The following CCDC68 variants were observed in gnomAD, a reference collection of about 807,000 sequenced individuals.
CCDC68 encodes coiled-coil domain containing 68.
A neutral mutation model predicts 47.1 loss-of-function variants in CCDC68; 45 were observed. That is an observed-to-expected ratio of 0.96 (90% CI 0.75 to 1.23). CCDC68 has a LOEUF of 1.23. CCDC68 is among the 50% of genes most tolerant of loss of function. CCDC68 has a pLI of 0.00. For missense variants in CCDC68, 353 were observed against 373.6 expected (o/e 0.94, Z 0.45); for synonymous variants, 131 against 129.5 (o/e 1.01, Z -0.08).
intron 11 of CCDC68, among the ~76,000 whole-genome samples, chr18:54,905,475 T>G (rs8087302): frequency 0.98 from 148,645 of 151,286 alleles, 73,100 homozygotes; most frequent in East Asian, 1. Flanking sequence ...AAAAAACCTT[T>G]TTTGTTTGTA....
At chr18:54,946,039 T>C (rs2044518986) in intron 1 of CCDC68, among the ~76,000 whole-genome samples, 1 of 151,878 alleles carries the variant, frequency 6.6e-6, no homozygotes, top group Non-Finnish European at 1.5e-5. Flanking sequence ...AACAAAAAAA[T>C]CAAAAGAAGA....
chr18:54,933,180 C>G lies in CCDC68; in HGVS notation c.600+1640G>C, dbSNP rs951744673. On this transcript the variant is annotated intron_variant, in intron 7 of 11. Transcript: ENST00000591504. ...CACTGCAACCTCCGCCTCCTGGGTT[C>G]AAGCAATTCTCCTGCCTCAGCCTCC... 2.0e-5 allele frequency among the ~76,000 whole-genome samples: 3 copies of G among 152,288 alleles called. No individual in the cohort carries two copies. In the South Asian group the frequency reaches 6.2e-4, roughly 32 times the overall value.
Position 54,928,806 on chromosome 18 carries a change from C to T in CCDC68, c.677G>A (p.Gly226Glu). The T allele has an allele frequency of 6.2e-7, 1 of 1,608,198 alleles. No individual in the cohort carries two copies. The highest frequency in any genetic ancestry group is 8.5e-7 in the Non-Finnish European group (1 of 1,174,980). Residue 226 changes from glycine (G) to glutamate (E), a missense_variant, in exon 8 of 12, where the codon GGA (glycine) becomes GAA (glutamate). Coordinates refer to ENST00000591504, the MANE Select transcript of CCDC68 (RefSeq NM_025214.3). ...LLQLKSSATY[G>E]KSCQDLQREI... is the part of the protein sequence containing the mutation. ...AACAGGTAGCTTCACAAACCTTTTT[C>T]CATATGTAGCACTGGATTTGAGTTG...
rs1298272139 is a variant in CCDC68, at chr18:54,936,274, T to A, written c.471+559A>T. On this transcript the variant is annotated intron_variant, in intron 6 of 11. Coordinates refer to ENST00000591504, the MANE Select transcript of CCDC68 (RefSeq NM_025214.3). ...ATATATATTTAAAAATATATAGTTA[T>A]ATATTTTTAAATAATATATAAAAAT... Among the ~76,000 whole-genome samples, 3 of 145,906 alleles carry A rather than the reference T, an allele frequency of 2.1e-5. No homozygotes were observed. The East Asian group carries it at 5.8e-4, about 28-fold the overall frequency.
At chr18:54,946,520 A>G (rs2044530673) in intron 1 of CCDC68, among the ~76,000 whole-genome samples, 1 of 152,232 alleles carries the variant, frequency 6.6e-6, no homozygotes, top group African/African-American at 2.4e-5. Flanking sequence ...CAATGTGTAC[A>G]TTAACAAATC....
At chr18:54,929,979 T>A (rs929104632) in intron 7 of CCDC68, among the ~76,000 whole-genome samples, 1 of 152,226 alleles carries the variant, frequency 6.6e-6, no homozygotes, top group Non-Finnish European at 1.5e-5. Context: ...TCAGAGAATT[T>A]CCCTGTGTTC....
intron 8 of CCDC68, among the ~76,000 whole-genome samples, chr18:54,920,817 C>T (rs886738230): frequency 2.6e-5 from 4 of 152,138 alleles, no homozygotes; most frequent in African/African-American, 9.7e-5. Flanking sequence ...ATAGAACTAC[C>T]ATTCAACCCA....
intron 4 of CCDC68, 122 bp from the exon 5 acceptor site, chr18:54,938,219 CT>C: frequency 3.5e-6 from 3 of 861,894 alleles, no homozygotes; most frequent in Non-Finnish European, 4.8e-6. Context: ...AAACAAACAT[CT>C]TTTGAATCTC....
At chr18:54,907,170 A>C (rs1318819509) in intron 11 of CCDC68, among the ~76,000 whole-genome samples, 1 of 152,198 alleles carries the variant, frequency 6.6e-6, no homozygotes, top group African/African-American at 2.4e-5. Context: ...ATGAGATTTG[A>C]GCCCAGATTC....
intron 3 of CCDC68, among the ~76,000 whole-genome samples, 181 bp downstream of exon 3, chr18:54,942,494 G>A (rs9966611): frequency 0.38 from 58,222 of 151,930 alleles, 11,377 homozygotes; most frequent in East Asian, 0.59. Context: ...GAACAGTTTC[G>A]TATCCTCAAG....
intron 10 of CCDC68, among the ~76,000 whole-genome samples, chr18:54,917,183 T>G (rs1328550605): frequency 1.3e-5 from 2 of 152,210 alleles, no homozygotes; most frequent in Non-Finnish European, 2.9e-5. Flanking sequence ...TTAGATTGTA[T>G]TGTGCTCAGT....
chr18:54,941,344 A>C (rs907231960), intron 3 of CCDC68, among the ~76,000 whole-genome samples: 3 of 152,196 alleles, frequency 2.0e-5, no homozygotes, highest in Non-Finnish European at 4.4e-5. Flanking sequence ...ATTATCCCCC[A>C]AAAAATTATT....
intron 6 of CCDC68, among the ~76,000 whole-genome samples, chr18:54,935,675 TC>T (rs1442181647): frequency 2.6e-5 from 4 of 152,104 alleles, no homozygotes; most frequent in African/African-American, 9.7e-5. Flanking sequence ...CTTATGTTCT[TC>T]ATCTGCACCC....
At position 54,942,788 on chromosome 18, in the gene CCDC68, T is replaced by C; in HGVS notation, c.4A>G (p.Thr2Ala). The C allele has an allele frequency of 6.3e-7, 1 of 1,583,264 alleles. No homozygotes were observed. The highest frequency in any genetic ancestry group is 8.7e-7 in the Non-Finnish European group (1 of 1,153,220). Residue 2 changes from threonine (T) to alanine (A), a missense_variant, in exon 3 of 12, where the codon ACA (threonine) becomes GCA (alanine). By Grantham distance (58) the Thr-to-Ala change is moderately conservative (BLOSUM62 0). Coordinates refer to ENST00000591504, the MANE Select transcript of CCDC68 (RefSeq NM_025214.3). ...ATTTCTGTGGTCACTGTCACTGTTG[T>C]CATTGTGAATTCTGGCTTTAGGAAA... M[T>A]TVTVTTEIPP...
intron 8 of CCDC68, among the ~76,000 whole-genome samples, chr18:54,921,628 G>A (rs906173586): frequency 6.6e-6 from 1 of 152,140 alleles, no homozygotes; most frequent in African/African-American, 2.4e-5. Flanking sequence ...ACAAAATGAC[G>A]GGGGAACAAG....
intron 10 of CCDC68, among the ~76,000 whole-genome samples, chr18:54,914,522 G>A (rs986917378): frequency 5.3e-5 from 8 of 152,064 alleles, no homozygotes; most frequent in Admixed American, 5.2e-4. Flanking sequence ...GGAGTGTGAG[G>A]TAGGAGAATT....
Position 54,936,951 on chromosome 18 carries a change from G to T in CCDC68, c.353C>A (p.Ala118Asp). 1 of 1,614,050 alleles carries T rather than the reference G, an allele frequency of 6.2e-7. No individual in the cohort carries two copies. The highest frequency in any genetic ancestry group is 8.5e-7 in the Non-Finnish European group (1 of 1,179,974). Residue 118 changes from alanine (A) to aspartate (D), a missense_variant, in exon 6 of 12, where the codon GCC becomes GAC. Physicochemically the swap from Ala to Asp is moderately radical, Grantham distance 126. Coordinates refer to ENST00000591504, the MANE Select transcript of CCDC68 (RefSeq NM_025214.3). Reference protein sequence around the residue: ...ENEVLKIKLQASREAGAAALR... With the variant: ...ENEVLKIKLQDSREAGAAALR... ...AGCTGCTGCTCCTGCTTCTCTGGAG[G>T]CTTGCAGCTAGAAAAAAGGTCACTA...
chr18:54,926,297 A>G (rs2044143644), intron 8 of CCDC68, among the ~76,000 whole-genome samples: 1 of 152,224 alleles, frequency 6.6e-6, no homozygotes, highest in South Asian at 2.1e-4. Context: ...ACTTACAGTC[A>G]TGTTGGAAGG....
chr18:54,941,729 T>C (rs1295857224), intron 3 of CCDC68, among the ~76,000 whole-genome samples: 1 of 152,226 alleles, frequency 6.6e-6, no homozygotes, highest in East Asian at 1.9e-4. Flanking sequence ...TTATTCAGCA[T>C]CCTCTTAGAC....
Sources: allele counts gnomAD v4.1 joint callset (sites outside exome capture counted in the v4.1 genomes callset), GRCh38; gene constraint gnomAD v4.1.1; transcripts MANE v1.5; gene names NCBI Gene and HGNC (gene_info 2026-07-23, HGNC 2026-07-21).